The following TAFA1 variants were observed in gnomAD, a reference collection of about 807,000 sequenced individuals.
TAFA1 encodes TAFA chemokine like family member 1, also known as chemokine-like protein TAFA-1.
In TAFA1, 4 loss-of-function variants were observed where a neutral mutation model predicts 18.5. That is an observed-to-expected ratio of 0.22 (90% CI 0.11 to 0.49). TAFA1 has a LOEUF of 0.49. Ranked by LOEUF, TAFA1 falls within the 20% of genes least tolerant of loss-of-function variation. TAFA1 has a pLI of 0.98. For missense variants in TAFA1, 147 were observed against 169.0 expected, an observed-to-expected ratio of 0.87 and a Z score of 0.72; for synonymous variants, 56 against 55.2, an observed-to-expected ratio of 1.01 and a Z score of -0.06.
At chr3:68,296,203 C>G in intron 2 of TAFA1, among the ~76,000 whole-genome samples, 1 of 152,294 alleles carries the variant, frequency 6.6e-6, no homozygotes, top group South Asian at 2.1e-4. Flanking sequence ...CGCCTACCCT[C>G]GTGACTTTTT....
intron 2 of TAFA1, among the ~76,000 whole-genome samples, chr3:68,366,720 A>G (rs1460228702): frequency 6.6e-6 from 1 of 152,202 alleles, no homozygotes; most frequent in African/African-American, 2.4e-5. Flanking sequence ...TTTCTCTTCT[A>G]TACACCAAAA....
intron 2 of TAFA1, chr3:68,144,934 G>T: frequency 1.3e-6 from 1 of 760,632 alleles, no homozygotes; most frequent in South Asian, 1.5e-5. Flanking sequence ...GAGAGTTGTT[G>T]TGATGATAAT....
chr3:68,261,326 A>G (rs534963346), intron 2 of TAFA1, among the ~76,000 whole-genome samples: 2 of 152,318 alleles, frequency 1.3e-5, no homozygotes, highest in East Asian at 3.9e-4. Flanking sequence ...GGGACTGTAA[A>G]CTAGTTCAAC....
chr3:68,343,297 G>T (rs1044824082), intron 2 of TAFA1, among the ~76,000 whole-genome samples: 2 of 152,160 alleles, frequency 1.3e-5, no homozygotes, highest in Non-Finnish European at 2.9e-5. Context: ...AGATTTCTGA[G>T]GTACCCTTAA....
chr3:68,102,701 GT>G (rs2065162268), intron 2 of TAFA1, among the ~76,000 whole-genome samples: 1 of 152,170 alleles, frequency 6.6e-6, no homozygotes, highest in Non-Finnish European at 1.5e-5. Context: ...CTTTTAACTT[GT>G]TTTTACCATT....
chr3:68,205,586 C>A (rs1229161607), intron 2 of TAFA1, among the ~76,000 whole-genome samples: 1 of 151,820 alleles, frequency 6.6e-6, no homozygotes, highest in African/African-American at 2.4e-5. Flanking sequence ...GTGGACTGAG[C>A]ACGACCTTCA....
intron 2 of TAFA1, among the ~76,000 whole-genome samples, chr3:68,411,743 C>A (rs1280423555): frequency 1.3e-5 from 2 of 152,144 alleles, no homozygotes; most frequent in Non-Finnish European, 1.5e-5. Flanking sequence ...CAAAATGTGT[C>A]TTTAGAGCAA....
intron 2 of TAFA1, among the ~76,000 whole-genome samples, chr3:68,392,217 C>G (rs1317738318): frequency 6.8e-6 from 1 of 147,494 alleles, no homozygotes; most frequent in Non-Finnish European, 1.5e-5. Context: ...CAATCCTAGT[C>G]TCTGATAAAG....
chr3:68,543,893 C>G (rs904395952), intron 4 of TAFA1, among the ~76,000 whole-genome samples: 1 of 152,068 alleles, frequency 6.6e-6, no homozygotes, highest in African/African-American at 2.4e-5. Context: ...TCACCTTGCA[C>G]AGGAACAGTT....
At chr3:68,148,634 G>A (rs985145573) in intron 2 of TAFA1, among the ~76,000 whole-genome samples, 4 of 152,048 alleles carry the variant, frequency 2.6e-5, no homozygotes, top group Non-Finnish European at 4.4e-5. Flanking sequence ...GTCACATTCC[G>A]TGCTGTGTTC....
chr3:68,442,561 A>G (rs943352467), intron 3 of TAFA1, among the ~76,000 whole-genome samples: 3 of 152,184 alleles, frequency 2.0e-5, no homozygotes, highest in Admixed American at 6.6e-5. Flanking sequence ...TCACATTTCA[A>G]TAACCCAGTA....
chr3:68,105,318 T>C (rs923087040), intron 2 of TAFA1, among the ~76,000 whole-genome samples: 2 of 152,142 alleles, frequency 1.3e-5, no homozygotes, highest in East Asian at 1.9e-4. Flanking sequence ...AGTAGTACCA[T>C]AGAGTCCCCT....
intron 2 of TAFA1, among the ~76,000 whole-genome samples, chr3:68,117,901 T>A (rs2065343074): frequency 6.6e-6 from 1 of 152,224 alleles, no homozygotes; most frequent in Non-Finnish European, 1.5e-5. Flanking sequence ...TACAGTTCAC[T>A]AGTGTTAATT....
chr3:68,075,672 A>AAGAACGACT (rs2064814115), intron 2 of TAFA1, among the ~76,000 whole-genome samples: 1 of 151,762 alleles, frequency 6.6e-6, no homozygotes, highest in Non-Finnish European at 1.5e-5. Flanking sequence ...GTGATGGACC[A>AAGAACGACT]AGAACGACTA....
At chr3:68,276,361 G>C (rs2067797731) in intron 2 of TAFA1, among the ~76,000 whole-genome samples, 1 of 152,134 alleles carries the variant, frequency 6.6e-6, no homozygotes, top group Non-Finnish European at 1.5e-5. Context: ...ATAGTTACTG[G>C]TAGCATTCCC....
At chr3:68,485,625 T>C (rs1209415498) in intron 3 of TAFA1, among the ~76,000 whole-genome samples, 2 of 152,204 alleles carry the variant, frequency 1.3e-5, no homozygotes, top group Non-Finnish European at 2.9e-5. Flanking sequence ...TAAAAGTCCT[T>C]GCATATACCT....
At chr3:68,277,326 CA>C (rs2067815663) in intron 2 of TAFA1, among the ~76,000 whole-genome samples, 1 of 152,118 alleles carries the variant, frequency 6.6e-6, no homozygotes, top group African/African-American at 2.4e-5. Context: ...GAAAGAGAGT[CA>C]ACCAGGGCTG....
At chr3:68,314,489 A>G (rs1247469531) in intron 2 of TAFA1, among the ~76,000 whole-genome samples, 1 of 152,216 alleles carries the variant, frequency 6.6e-6, no homozygotes, top group Admixed American at 6.5e-5. Context: ...TCAAATATAC[A>G]TCATTAGATA....
At chr3:68,020,405 C>T (rs543329526) in intron 2 of TAFA1, among the ~76,000 whole-genome samples, 5 of 152,212 alleles carry the variant, frequency 3.3e-5, no homozygotes, top group Admixed American at 2.0e-4. Flanking sequence ...CTCTGCCTCA[C>T]CCATAGAGTG....
Sources: allele counts gnomAD v4.1 joint callset (sites outside exome capture counted in the v4.1 genomes callset), GRCh38; gene constraint gnomAD v4.1.1; transcripts MANE v1.5; gene names NCBI Gene and HGNC (gene_info 2026-07-23, HGNC 2026-07-21).